The following PLA2G4A variants were observed in gnomAD, a reference collection of about 807,000 sequenced individuals.
The protein encoded by PLA2G4A is phospholipase A2 group IVA, also known as cytosolic phospholipase A2.
Under a neutral mutation model 81.9 loss-of-function variants are expected in PLA2G4A, and 40 were observed. The ratio of observed to expected loss-of-function variants is 0.49; its 90% confidence interval spans 0.38 to 0.64. The LOEUF (loss-of-function observed/expected upper bound fraction) is 0.64. PLA2G4A is among the 30% of genes least tolerant of loss of function. The probability of loss-of-function intolerance (pLI) is 0.00; values close to 1 mark genes in which losing one functional copy is unlikely to be tolerated. For synonymous variants in PLA2G4A, 302 were observed against 296.9 expected (o/e 1.02, Z -0.18); for missense variants, 715 against 905.1 (o/e 0.79, Z 2.69).
At chr1:186,886,636 T>C (rs1306275812) in intron 3 of PLA2G4A, among the ~76,000 whole-genome samples, 1 of 152,208 alleles carries the variant, frequency 6.6e-6, no homozygotes, top group African/African-American at 2.4e-5. Context: ...AATTGAAGCA[T>C]AACATTTGAA....
intron 10 of PLA2G4A, 152 bp from the exon 11 acceptor site, chr1:186,946,485 A>G (rs942648778): frequency 1.8e-5 from 12 of 679,240 alleles, no homozygotes; most frequent in African/African-American, 1.4e-4. Flanking sequence ...AATGTCATAT[A>G]CATAATGGGC....
Position 186,965,603 on chromosome 1 carries a change from C to T in PLA2G4A, c.1764+10C>T, listed in dbSNP as rs888787817. 6.3e-7 allele frequency: 1 copy of T among 1,575,402 alleles called. No individual in the cohort carries two copies. Among genetic ancestry groups the T allele is most frequent in the Non-Finnish European group, 8.7e-7 (1 of 1,144,776 alleles). ...TAGTCCTCCGTTCAAGGTAAGGATA[C>T]ATAATACAGCATTCCATTCTCTACC... On this transcript the variant is annotated intron_variant, in intron 15 of 17. Transcript: ENST00000367466.
chr1:186,936,136 A>G (rs1480401604), intron 8 of PLA2G4A, among the ~76,000 whole-genome samples: 1 of 151,978 alleles, frequency 6.6e-6, no homozygotes, highest in Non-Finnish European at 1.5e-5. Context: ...TTTGTACAGT[A>G]TTACCATCTA....
At chr1:186,841,654 T>C (rs1347414287) in intron 1 of PLA2G4A, among the ~76,000 whole-genome samples, 1 of 152,216 alleles carries the variant, frequency 6.6e-6, no homozygotes. Context: ...CCTTAAAATA[T>C]GGCCAGAATG....
chr1:186,896,924 G>C (rs1159687136), intron 5 of PLA2G4A, among the ~76,000 whole-genome samples: 1 of 152,046 alleles, frequency 6.6e-6, no homozygotes, highest in Non-Finnish European at 1.5e-5. Flanking sequence ...AGTGCCCTGT[G>C]CCAGCCACCC....
intron 12 of PLA2G4A, among the ~76,000 whole-genome samples, chr1:186,949,245 AGAAAGAAAGAAAG>A (rs1015457211): frequency 1.3e-5 from 2 of 151,882 alleles, no homozygotes; most frequent in Admixed American, 1.3e-4. Flanking sequence ...CATATGTGAC[AGAAAGAAAGAAAG>A]GAAAGAAAGA....
chr1:186,894,194 C>T lies in PLA2G4A; in HGVS notation c.361C>T (p.Pro121Ser), dbSNP rs766090719. 3 of 1,312,088 alleles carry T rather than the reference C, an allele frequency of 2.3e-6. No individual in the cohort carries two copies. Among genetic ancestry groups the T allele is most frequent in the Non-Finnish European group, 3.3e-6 (3 of 904,062 alleles). 81.3% of individuals were successfully genotyped at this position (1,312,088 alleles called of 1,614,324 possible). A position where few individuals can be genotyped will look rare whatever the true frequency, so the allele number is the denominator to read the frequency against. Residue 121 changes from proline to serine, a missense_variant, in exon 5 of 18, where the codon CCT (proline) becomes TCT (serine). By Grantham distance (74) the Pro-to-Ser change is moderately conservative (BLOSUM62 -1). Transcript: ENST00000367466. ...GAAGGTGGGAGAAAAGAAAGAAGTTCCTTTTATTTTCAACCAAGTAAGTAA... is the reference window on the plus strand; with the variant it reads ...GAAGGTGGGAGAAAAGAAAGAAGTTTCTTTTATTTTCAACCAAGTAAGTAA... ...SMKVGEKKEVPFIFNQVTEMV... is the reference protein window; with the variant it reads ...SMKVGEKKEVSFIFNQVTEMV...
At chr1:186,933,683 A>G (rs1157760412) in intron 8 of PLA2G4A, among the ~76,000 whole-genome samples, 4 of 152,156 alleles carry the variant, frequency 2.6e-5, no homozygotes, top group Non-Finnish European at 2.9e-5. Context: ...AAACTCATCT[A>G]TCAGAATATC....
At chr1:186,986,404 T>C (rs1657892984) in intron 17 of PLA2G4A, among the ~76,000 whole-genome samples, 1 of 152,242 alleles carries the variant, frequency 6.6e-6, no homozygotes, top group Admixed American at 6.5e-5. Context: ...TGATGTTTCA[T>C]GGATTTCTGT....
At chr1:186,882,924 G>A (rs1011956051) in intron 3 of PLA2G4A, among the ~76,000 whole-genome samples, 15 of 151,818 alleles carry the variant, frequency 9.9e-5, no homozygotes, top group Non-Finnish European at 1.6e-4. Flanking sequence ...TAGGCCAGAC[G>A]GTTAGAAAAG....
intron 5 of PLA2G4A, among the ~76,000 whole-genome samples, chr1:186,902,811 C>T (rs931779020): frequency 1.3e-5 from 2 of 151,152 alleles, no homozygotes; most frequent in Admixed American, 6.6e-5. Flanking sequence ...TCTCCCCTAT[C>T]TCCCCTTGCT....
intron 15 of PLA2G4A, among the ~76,000 whole-genome samples, chr1:186,974,127 A>G (rs1229343441): frequency 6.6e-6 from 1 of 151,768 alleles, no homozygotes; most frequent in Non-Finnish European, 1.5e-5. Flanking sequence ...ATATTTTTTT[A>G]CATGTAAATG....
At chr1:186,962,334 G>A (rs955432942) in intron 14 of PLA2G4A, among the ~76,000 whole-genome samples, 2 of 151,788 alleles carry the variant, frequency 1.3e-5, no homozygotes, top group Non-Finnish European at 2.9e-5. Flanking sequence ...GGGGTCTTGT[G>A]GCATATCCCC....
chr1:186,953,062 G>A (rs10752987), intron 13 of PLA2G4A, among the ~76,000 whole-genome samples: 145,858 of 152,276 alleles, frequency 0.96, 69,901 homozygotes, highest in East Asian at 1. Flanking sequence ...AGATTTTTCA[G>A]TTTATTTGGG....
At chr1:186,988,107 T>C (rs1258874770) in intron 17 of PLA2G4A, among the ~76,000 whole-genome samples, 1 of 152,228 alleles carries the variant, frequency 6.6e-6, no homozygotes, top group Non-Finnish European at 1.5e-5. Context: ...GCTACCACTT[T>C]ATTCCCAAAT....
intron 13 of PLA2G4A, among the ~76,000 whole-genome samples, chr1:186,954,390 T>G (rs1039411749): frequency 1.3e-5 from 2 of 151,628 alleles, no homozygotes; most frequent in African/African-American, 4.8e-5. Context: ...AATTAAACAA[T>G]AGAACACTTG....
intron 1 of PLA2G4A, among the ~76,000 whole-genome samples, chr1:186,849,416 C>T (rs927276109): frequency 2.0e-5 from 3 of 151,976 alleles, no homozygotes; most frequent in African/African-American, 4.8e-5. Flanking sequence ...TTGAAGGTCA[C>T]GGAAGGGTTC....
intron 5 of PLA2G4A, among the ~76,000 whole-genome samples, chr1:186,903,561 T>C (rs1654623959): frequency 6.6e-6 from 1 of 152,166 alleles, no homozygotes; most frequent in Admixed American, 6.5e-5. Context: ...GCATTGCTGC[T>C]CCGCCTCCTG....
At chr1:186,981,117 T>C (rs1218165477) in intron 17 of PLA2G4A, among the ~76,000 whole-genome samples, 1 of 151,786 alleles carries the variant, frequency 6.6e-6, no homozygotes, top group African/African-American at 2.4e-5. Flanking sequence ...AAAACAGAGG[T>C]AAGAATTAAT....
Sources: allele counts gnomAD v4.1 joint callset (sites outside exome capture counted in the v4.1 genomes callset), GRCh38; gene constraint gnomAD v4.1.1; transcripts MANE v1.5; gene names NCBI Gene and HGNC (gene_info 2026-07-23, HGNC 2026-07-21).